The following POTEE variants were observed in gnomAD, a reference collection of about 807,000 sequenced individuals.
The protein encoded by POTEE is POTE ankyrin domain family member E, also known as ANKRD26-like family C member 1A.
Under a neutral mutation model 74.2 loss-of-function variants are expected in POTEE, and 21 were observed. That is an observed-to-expected ratio of 0.28 (90% confidence interval 0.20 to 0.41). The LOEUF (loss-of-function observed/expected upper bound fraction) is 0.41. POTEE is among the 10% of genes least tolerant of loss of function. POTEE has a pLI of 1.00. For missense variants in POTEE, 525 were observed against 1,158.6 expected (o/e 0.45, Z 7.94); for synonymous variants, 211 against 432.8 (o/e 0.49, Z 6.36).
intron 7 of POTEE, 95 bp downstream of exon 7, chr2:131,227,024 G>A (rs1314464507): frequency 1.3e-6 from 2 of 1,487,252 alleles, no homozygotes; most frequent in East Asian, 4.9e-5. Flanking sequence ...TACTTACTGG[G>A]ATGTAGTGAT....
chr2:131,235,798 A>C (rs1234546726), intron 9 of POTEE, among the ~76,000 whole-genome samples: 1 of 150,950 alleles, frequency 6.6e-6, no homozygotes, highest in African/African-American at 2.4e-5. Context: ...GGCTCAAAAA[A>C]AAAAAAAAAA....
chr2:131,228,710 T>C (rs1461800885), intron 8 of POTEE, among the ~76,000 whole-genome samples: 1 of 147,314 alleles, frequency 6.8e-6, no homozygotes, highest in African/African-American at 2.7e-5. Context: ...ATTTGGGTCT[T>C]GAAATGTCTA....
rs372916575 is a variant in POTEE at position 131,226,831 on chromosome 2, C to T, written c.819C>T (p.Leu273=). ...ADIESKNKHG[L]TPLLLGVHEQ... is the part of the protein sequence containing the mutation. ...TTTATATTGTTTTACAGCATGGCCT[C>T]ACACCACTGTTACTTGGTGTACATG... The change falls in exon 7 of 18, where the codon CTC becomes CTT. Residue 273 remains leucine (L), a synonymous_variant. Coordinates refer to ENST00000683005, the MANE Select transcript of POTEE (RefSeq NM_001083538.3). The T allele has an allele frequency of 2.3e-5, 37 of 1,611,726 alleles. No homozygotes were observed. The African/African-American group carries it at 4.5e-4, about 20-fold the overall frequency.
intron 9 of POTEE, among the ~76,000 whole-genome samples, chr2:131,234,090 A>G (rs1701050967): frequency 6.6e-6 from 1 of 150,638 alleles, no homozygotes; most frequent in Admixed American, 6.6e-5. Context: ...AAAGTTGATG[A>G]TAAATGTCCA....
At chr2:131,227,411 C>G (rs1479685066) in intron 7 of POTEE, among the ~76,000 whole-genome samples, 1 of 145,806 alleles carries the variant, frequency 6.9e-6, no homozygotes, top group Non-Finnish European at 1.5e-5. Context: ...TTAGCTTATC[C>G]CTACATGACA....
chr2:131,222,980 C>A (rs1260909125), intron 4 of POTEE, among the ~76,000 whole-genome samples: 1 of 151,660 alleles, frequency 6.6e-6, no homozygotes, highest in African/African-American at 2.4e-5. Context: ...TATTTAAATG[C>A]CGCAAATTAT....
chr2:131,218,814 G>A lies in POTEE; in HGVS notation c.412G>A (p.Glu138Lys). The A allele has an allele frequency of 6.2e-7, 1 of 1,612,746 alleles. No individual in the cohort carries two copies. The highest frequency in any genetic ancestry group is 8.5e-7 in the Non-Finnish European group (1 of 1,179,882). The change falls in exon 4 of 18, where the codon GAA becomes AAA. Residue 138 changes from glutamate to lysine, a missense_variant. Glu to Lys is a moderately conservative substitution (Grantham distance 56, BLOSUM62 1). Coordinates refer to ENST00000683005, the MANE Select transcript of POTEE (RefSeq NM_001083538.3). Reference protein sequence around the residue: ...FMEPRYHVRGEDLDKLHRAAW... With the variant: ...FMEPRYHVRGKDLDKLHRAAW... ...GGAGCCCAGGTACCACGTCCGTGGA[G>A]AAGATCTGGACAAGCTCCACAGAGC...
chr2:131,231,728 A>G (rs1250449187), intron 9 of POTEE, among the ~76,000 whole-genome samples: 5 of 152,102 alleles, frequency 3.3e-5, no homozygotes, highest in Non-Finnish European at 5.9e-5. Flanking sequence ...AAAGATTGTC[A>G]TAATAAATAT....
intron 1 of POTEE, among the ~76,000 whole-genome samples, 69 bp downstream of exon 1, chr2:131,209,888 C>T (rs1700318788): frequency 1.3e-5 from 2 of 151,384 alleles, no homozygotes; most frequent in South Asian, 2.1e-4. Context: ...GGGCTCACTG[C>T]CCGAGGCTGC....
Position 131,223,543 on chromosome 2 carries a change from A to G in POTEE, c.522-53A>G, listed in dbSNP as rs1700689378. 1.2e-5 allele frequency: 19 copies of G among 1,609,562 alleles called. No homozygotes were observed. The South Asian group carries it at 1.7e-4, about 14-fold the overall frequency. ...GTTTGCAGTTACATGAATCATTGCT[A>G]TGGCTGTAGCTAGTGCACTACAATT... On this transcript the variant is annotated intron_variant, in intron 4 of 17. Coordinates refer to ENST00000683005, the MANE Select transcript of POTEE (RefSeq NM_001083538.3).
intron 4 of POTEE, among the ~76,000 whole-genome samples, chr2:131,222,501 A>G (rs1700650089): frequency 6.6e-6 from 1 of 151,376 alleles, no homozygotes. Flanking sequence ...TGTACAACCA[A>G]CCCCCTTGGT....
chr2:131,216,608 T>A (rs1278900261), intron 2 of POTEE, among the ~76,000 whole-genome samples: 2 of 151,476 alleles, frequency 1.3e-5, no homozygotes, highest in African/African-American at 4.9e-5. Context: ...AACAAATGCC[T>A]TACACATAAA....
At chr2:131,235,182 G>A in intron 9 of POTEE, among the ~76,000 whole-genome samples, 1 of 147,430 alleles carries the variant, frequency 6.8e-6, no homozygotes, top group East Asian at 2.0e-4. Flanking sequence ...TTAAGTCTCT[G>A]CTTGGGCATG....
chr2:131,249,061 T>TATGGACTGG (rs1396291263), intron 13 of POTEE, among the ~76,000 whole-genome samples: 18 of 106,346 alleles, frequency 1.7e-4, no homozygotes, highest in African/African-American at 6.0e-4. Flanking sequence ...ACTTAGAATT[T>TATGGACTGG]ATGGACTGGA....
At chr2:131,230,569 C>T (rs868576207) in intron 8 of POTEE, among the ~76,000 whole-genome samples, 2 of 152,232 alleles carry the variant, frequency 1.3e-5, no homozygotes, top group African/African-American at 2.4e-5. Flanking sequence ...AGAGTTGGGA[C>T]ACTTTCTATT....
At chr2:131,219,231 T>C (rs1190852730) in intron 4 of POTEE, among the ~76,000 whole-genome samples, 1 of 151,266 alleles carries the variant, frequency 6.6e-6, no homozygotes, top group Non-Finnish European at 1.5e-5. Flanking sequence ...TTTAAAACAA[T>C]GTTCTATACA....
intron 9 of POTEE, among the ~76,000 whole-genome samples, chr2:131,231,244 T>TG (rs1700945005): frequency 1.3e-5 from 2 of 149,458 alleles, no homozygotes; most frequent in African/African-American, 4.9e-5. Flanking sequence ...ATCCCTCAGA[T>TG]GGGCAGTTCA....
intron 8 of POTEE, among the ~76,000 whole-genome samples, chr2:131,230,131 G>A (rs1012660276): frequency 5.9e-5 from 9 of 152,140 alleles, no homozygotes; most frequent in South Asian, 2.1e-4. Flanking sequence ...GATCAACTCC[G>A]TAATAGTGGA....
chr2:131,211,342 C>G (rs545485547), intron 2 of POTEE, among the ~76,000 whole-genome samples, 159 bp downstream of exon 2: 1 of 151,128 alleles, frequency 6.6e-6, no homozygotes, highest in Admixed American at 6.6e-5. Flanking sequence ...GGGCCCAGTC[C>G]GACCTGGGGT....
Sources: gnomAD v4.1 joint callset for allele counts (sites outside exome capture counted in the v4.1 genomes callset) on GRCh38, gnomAD v4.1.1 for gene constraint, MANE v1.5 for transcripts, NCBI Gene and HGNC (gene_info 2026-07-23, HGNC 2026-07-21) for gene names.